HS6ST3: variants seen among roughly 807,000 people sequenced by gnomAD.
HS6ST3 encodes the protein heparan-sulfate 6-O-sulfotransferase 3.
A neutral mutation model predicts 36.7 loss-of-function variants in HS6ST3; 12 were observed. The ratio of observed to expected loss-of-function variants is 0.33; its 90% CI spans 0.21 to 0.53. HS6ST3 has a LOEUF of 0.53. Among genes scored for constraint, HS6ST3 ranks in the 20% least tolerant of loss-of-function variants. HS6ST3 has a pLI of 0.95. For missense variants in HS6ST3, 584 were observed against 640.9 expected (o/e 0.91, Z 0.96); for synonymous variants, 240 against 257.5 (o/e 0.93, Z 0.65).
chr13:96,227,858 A>G (rs2139365898), intron 1 of HS6ST3, among the ~76,000 whole-genome samples: 1 of 152,326 alleles, frequency 6.6e-6, no homozygotes, highest in East Asian at 1.9e-4. Context: ...TTTGAATTCC[A>G]GTTGCTTTAT....
At chr13:96,703,364 G>A (rs1031589248) in intron 1 of HS6ST3, among the ~76,000 whole-genome samples, 1 of 152,160 alleles carries the variant, frequency 6.6e-6, no homozygotes, top group African/African-American at 2.4e-5. Flanking sequence ...CTGCTCATCT[G>A]CATTTGTTAA....
intron 1 of HS6ST3, among the ~76,000 whole-genome samples, chr13:96,505,352 C>G (rs1229528596): frequency 3.3e-5 from 5 of 152,152 alleles, no homozygotes; most frequent in Non-Finnish European, 7.4e-5. Flanking sequence ...CCCCACATTC[C>G]TCCCAGCACT....
At chr13:96,253,533 G>A (rs2054617617) in intron 1 of HS6ST3, among the ~76,000 whole-genome samples, 2 of 152,012 alleles carry the variant, frequency 1.3e-5, no homozygotes, top group Admixed American at 1.3e-4. Flanking sequence ...AGACTTCAGG[G>A]CTCCCACAAA....
intron 1 of HS6ST3, among the ~76,000 whole-genome samples, chr13:96,378,744 C>T (rs1055168391): frequency 5.3e-5 from 8 of 152,038 alleles, no homozygotes; most frequent in Admixed American, 2.6e-4. Flanking sequence ...TCTCATTTGC[C>T]GAAAGGAGTT....
At chr13:96,288,032 T>C (rs997221743) in intron 1 of HS6ST3, among the ~76,000 whole-genome samples, 2 of 152,170 alleles carry the variant, frequency 1.3e-5, no homozygotes, top group African/African-American at 4.8e-5. Context: ...ACCAGAAGTC[T>C]CAACTTCATT....
intron 1 of HS6ST3, among the ~76,000 whole-genome samples, chr13:96,524,279 A>C (rs899374154): frequency 6.6e-6 from 1 of 151,944 alleles, no homozygotes; most frequent in Non-Finnish European, 1.5e-5. Flanking sequence ...GTTGGCCCCA[A>C]CTGGGAGATG....
intron 1 of HS6ST3, among the ~76,000 whole-genome samples, chr13:96,827,482 C>A (rs1247824507): frequency 1.3e-5 from 2 of 152,162 alleles, no homozygotes; most frequent in Non-Finnish European, 2.9e-5. Context: ...AGGATTGAAA[C>A]AAACAAAATG....
At chr13:96,131,676 C>T (rs1365285730) in intron 1 of HS6ST3, among the ~76,000 whole-genome samples, 8 of 151,620 alleles carry the variant, frequency 5.3e-5, no homozygotes, top group Admixed American at 5.3e-4. Context: ...AATTTTGTAT[C>T]CTTTGATCAG....
chr13:96,298,076 G>A (rs2054863890), intron 1 of HS6ST3, among the ~76,000 whole-genome samples: 1 of 151,980 alleles, frequency 6.6e-6, no homozygotes, highest in African/African-American at 2.4e-5. Context: ...TTCTGGATTA[G>A]GATGGGGAAG....
At chr13:96,539,356 CT>C (rs60662165) in intron 1 of HS6ST3, among the ~76,000 whole-genome samples, 1,627 of 147,278 alleles carry the variant, frequency 0.011, 18 homozygotes, top group African/African-American at 0.035. Context: ...AGTTTGGACA[CT>C]TTTTTTTTTT....
chr13:96,832,432 T>G (rs1878821571), intron 1 of HS6ST3, 58 bp from the exon 2 acceptor site: 1 of 1,292,812 alleles, frequency 7.7e-7, no homozygotes, highest in African/African-American at 1.5e-5. Context: ...TTATAAAAAT[T>G]TAGATACCTC....
chr13:96,117,157 C>G (rs2053897595), intron 1 of HS6ST3, among the ~76,000 whole-genome samples: 1 of 152,130 alleles, frequency 6.6e-6, no homozygotes, highest in Non-Finnish European at 1.5e-5. Context: ...TTGCTTTGTA[C>G]TTCCTTAAAT....
chr13:96,265,002 T>C (rs2054684691), intron 1 of HS6ST3, among the ~76,000 whole-genome samples: 2 of 152,130 alleles, frequency 1.3e-5, no homozygotes, highest in Admixed American at 6.6e-5. Flanking sequence ...TAGAATGACA[T>C]TGTGGTACTG....
chr13:96,222,161 T>A (rs1284264784), intron 1 of HS6ST3, among the ~76,000 whole-genome samples: 1 of 152,122 alleles, frequency 6.6e-6, no homozygotes, highest in Admixed American at 6.6e-5. Context: ...CATAAGACAG[T>A]CTAGAGATGC....
chr13:96,307,920 G>T (rs1160445128), intron 1 of HS6ST3, among the ~76,000 whole-genome samples: 1 of 152,018 alleles, frequency 6.6e-6, no homozygotes, highest in African/African-American at 2.4e-5. Flanking sequence ...TTGCATAATT[G>T]CTGCTTTTTG....
At chr13:96,705,038 C>G (rs1049828562) in intron 1 of HS6ST3, among the ~76,000 whole-genome samples, 8 of 152,106 alleles carry the variant, frequency 5.3e-5, no homozygotes, top group African/African-American at 1.9e-4. Flanking sequence ...TACTCCTGCC[C>G]TCCTGTGTAT....
At chr13:96,760,822 T>A (rs538455697) in intron 1 of HS6ST3, among the ~76,000 whole-genome samples, 3 of 152,294 alleles carry the variant, frequency 2.0e-5, no homozygotes, top group Non-Finnish European at 2.9e-5. Flanking sequence ...TTTTTCTGCT[T>A]TTTTTATTAG....
At chr13:96,515,046 A>C (rs1331517608) in intron 1 of HS6ST3, among the ~76,000 whole-genome samples, 1 of 152,184 alleles carries the variant, frequency 6.6e-6, no homozygotes, top group African/African-American at 2.4e-5. Flanking sequence ...AATTGTCAAG[A>C]ATTTGATCTA....
chr13:96,482,126 G>T (rs1320611839), intron 1 of HS6ST3, among the ~76,000 whole-genome samples: 1 of 152,174 alleles, frequency 6.6e-6, no homozygotes, highest in Admixed American at 6.5e-5. Context: ...GTTATTCACA[G>T]TGTCTCACAC....
Sources: allele counts gnomAD v4.1 joint callset (sites outside exome capture counted in the v4.1 genomes callset), GRCh38; gene constraint gnomAD v4.1.1; transcripts MANE v1.5; gene names NCBI Gene and HGNC (gene_info 2026-07-23, HGNC 2026-07-21).